FMN2: variants seen among roughly 807,000 people sequenced by gnomAD.
The protein encoded by FMN2 is formin-2.
In FMN2, 51 loss-of-function variants were observed where a neutral mutation model predicts 142.3. The ratio of observed to expected loss-of-function variants is 0.36; its 90% CI spans 0.29 to 0.45. FMN2 has a LOEUF of 0.45. FMN2 is among the 20% of genes least tolerant of loss of function. The pLI is 1.00. For missense variants in FMN2, 1,936 were observed against 2,122.8 expected, an observed-to-expected ratio of 0.91 and a Z score of 1.73; for synonymous variants, 882 against 869.8, an observed-to-expected ratio of 1.01 and a Z score of -0.25.
intron 3 of FMN2, chr1:240,179,403 C>T (rs1665058942): frequency 6.6e-6 from 1 of 152,110 alleles, no homozygotes; most frequent in Non-Finnish European, 1.5e-5. Flanking sequence ...CCACACTTGA[C>T]CTTGAATCTC....
At chr1:240,363,528 G>C (rs1672561548) in intron 14 of FMN2, among the ~76,000 whole-genome samples, 1 of 152,222 alleles carries the variant, frequency 6.6e-6, no homozygotes, top group Non-Finnish European at 1.5e-5. Flanking sequence ...AATGAGGGCA[G>C]GTCTCTGGGA....
intron 2 of FMN2, among the ~76,000 whole-genome samples, chr1:240,174,620 C>T (rs1346801937): frequency 6.6e-6 from 1 of 152,058 alleles, no homozygotes; most frequent in Non-Finnish European, 1.5e-5. Context: ...CCTGACTTTG[C>T]CTCCCAAAGT....
intron 4 of FMN2, among the ~76,000 whole-genome samples, chr1:240,195,731 A>T (rs1007188271): frequency 6.6e-6 from 1 of 152,200 alleles, no homozygotes; most frequent in African/African-American, 2.4e-5. Flanking sequence ...AAATTCTCAC[A>T]ATAAGGCTGG....
chr1:240,230,724 G>C (rs1291870947), intron 6 of FMN2, among the ~76,000 whole-genome samples: 1 of 131,172 alleles, frequency 7.6e-6, no homozygotes, highest in Admixed American at 7.2e-5. Flanking sequence ...TAATGTTGTT[G>C]GTGTTTTTAC....
chr1:240,408,644 T>C (rs1459780537), intron 15 of FMN2, among the ~76,000 whole-genome samples: 1 of 152,172 alleles, frequency 6.6e-6, no homozygotes, highest in Non-Finnish European at 1.5e-5. Context: ...AGGTACTTTG[T>C]AGTCATTTAT....
intron 6 of FMN2, among the ~76,000 whole-genome samples, chr1:240,217,691 CTA>C (rs1426684891): frequency 2.0e-5 from 3 of 151,092 alleles, no homozygotes; most frequent in Non-Finnish European, 4.4e-5. Flanking sequence ...ATTCCTATAA[CTA>C]TTTGTAGAGC....
intron 7 of FMN2, among the ~76,000 whole-genome samples, chr1:240,289,367 A>G (rs111713659): frequency 1.2e-3 from 189 of 152,244 alleles, no homozygotes; most frequent in African/African-American, 3.6e-3. Context: ...TAATCCTATC[A>G]TATTGAATTA....
intron 8 of FMN2, among the ~76,000 whole-genome samples, chr1:240,327,594 T>A (rs531004451): frequency 6.6e-6 from 1 of 152,284 alleles, no homozygotes; most frequent in African/African-American, 2.4e-5. Flanking sequence ...ATATTTTGGC[T>A]CTTTTAATAC....
chr1:240,226,182 C>T (rs1017623298), intron 6 of FMN2, among the ~76,000 whole-genome samples: 4 of 152,172 alleles, frequency 2.6e-5, no homozygotes, highest in Non-Finnish European at 4.4e-5. Context: ...TTAATACACA[C>T]ATCCAAGAAG....
At chr1:240,123,062 A>G (rs1311058777) in intron 1 of FMN2, 117 bp from the exon 2 acceptor site, 1 of 1,122,446 alleles carries the variant, frequency 8.9e-7, no homozygotes, top group Non-Finnish European at 1.3e-6. Flanking sequence ...CTGCGCTGTC[A>G]GTAGCCTTGG....
intron 14 of FMN2, among the ~76,000 whole-genome samples, chr1:240,388,372 C>T (rs184973728): frequency 2.6e-5 from 4 of 152,110 alleles, no homozygotes; most frequent in African/African-American, 9.6e-5. Context: ...TCAGTGGCTG[C>T]ATTACAATTC....
intron 3 of FMN2, among the ~76,000 whole-genome samples, chr1:240,187,102 CA>C (rs35262264): frequency 0.024 from 2,773 of 117,342 alleles, 95 homozygotes; most frequent in African/African-American, 0.078. Flanking sequence ...CCGTCTGTAC[CA>C]AAAAAAAAAA....
Position 240,448,192 on chromosome 1 carries a change from T to A in FMN2, c.5060+9982T>A, listed in dbSNP as rs537576013. Among the ~76,000 whole-genome samples, 11 of 152,258 alleles carry A rather than the reference T, an allele frequency of 7.2e-5. No homozygotes were observed. The South Asian group carries it at 2.3e-3, about 32-fold the overall frequency. On this transcript the variant is annotated intron_variant, in intron 16 of 17. Transcript: ENST00000319653. The stretch of plus-strand genomic sequence containing the variant: ...CTGCTGGAAAAAGCTATTAAAAAAT[T>A]GCACAGCTCATTCCAGAATCAAAAA...
chr1:240,197,027 C>T (rs1665937292), intron 4 of FMN2, among the ~76,000 whole-genome samples: 1 of 152,136 alleles, frequency 6.6e-6, no homozygotes, highest in Non-Finnish European at 1.5e-5. Flanking sequence ...TTATATGCTA[C>T]TGTTTGTTGT....
intron 16 of FMN2, among the ~76,000 whole-genome samples, chr1:240,462,126 C>T (rs1171042347): frequency 1.3e-5 from 2 of 152,134 alleles, no homozygotes; most frequent in African/African-American, 4.8e-5. Flanking sequence ...TCTAGGTATC[C>T]TCTCATGTAG....
intron 7 of FMN2, among the ~76,000 whole-genome samples, chr1:240,271,102 T>TTTTTTTTTTGTTTTTTTTTTTTTTG (rs1668995919): frequency 7.0e-6 from 1 of 142,070 alleles, no homozygotes; most frequent in African/African-American, 2.7e-5. Flanking sequence ...ACGATGGTTT[T>TTTTTTTTTTGTTTTTTTTTTTTTTG]TTTTTTTTTT....
intron 2 of FMN2, among the ~76,000 whole-genome samples, chr1:240,147,777 G>A (rs1472773729): frequency 2.6e-5 from 4 of 152,136 alleles, no homozygotes; most frequent in African/African-American, 7.2e-5. Context: ...TGGCTAGGTC[G>A]GCAGCTTCAT....
chr1:240,265,557 C>T (rs950842477), intron 7 of FMN2, among the ~76,000 whole-genome samples: 1 of 152,088 alleles, frequency 6.6e-6, no homozygotes, highest in Non-Finnish European at 1.5e-5. Context: ...AGTCAGCTGG[C>T]ACCTTGATCT....
At chr1:240,247,965 G>A (rs984090228) in intron 6 of FMN2, among the ~76,000 whole-genome samples, 1 of 152,062 alleles carries the variant, frequency 6.6e-6, no homozygotes, top group African/African-American at 2.4e-5. Flanking sequence ...AACATTTCAA[G>A]TCCTTTCTTC....
Sources: allele counts gnomAD v4.1 joint callset (sites outside exome capture counted in the v4.1 genomes callset), GRCh38; gene constraint gnomAD v4.1.1; transcripts MANE v1.5; gene names NCBI Gene and HGNC (gene_info 2026-07-23, HGNC 2026-07-21).